The following SUPT20H variants were observed in gnomAD, a reference collection of about 807,000 sequenced individuals.
SUPT20H encodes the protein SPT20 homolog, SAGA complex component.
In SUPT20H, 82 loss-of-function variants were observed where a neutral mutation model predicts 122.8. The observed-to-expected ratio is 0.67, with a 90% CI of 0.56 to 0.80. The LOEUF is 0.80. Ranked by LOEUF, SUPT20H falls within the 30% of genes least tolerant of loss-of-function variation. The pLI is 0.00. For missense variants in SUPT20H, 831 were observed against 921.6 expected, an observed-to-expected ratio of 0.90 and a Z score of 1.27; for synonymous variants, 291 against 313.0, an observed-to-expected ratio of 0.93 and a Z score of 0.74.
At position 37,033,500 on chromosome 13, in the gene SUPT20H, G is replaced by A; in HGVS notation, c.656C>T (p.Ala219Val). ...TTGCTTGTTATAGAGCAGTCTGTTT[G>A]CAGTGCAGGTGACTGCTATAGAAGG... The part of the protein sequence containing the change: ...LDPSIAVTCT[A>V]NRLLYNKQKM... The change falls in exon 10 of 26, where the codon GCA becomes GTA. Residue 219 changes from alanine (A) to valine (V), a missense_variant. Coordinates refer to ENST00000350612, the MANE Select transcript of SUPT20H (RefSeq NM_001014286.3). 6.2e-7 allele frequency: 1 copy of A among 1,613,374 alleles called. No homozygotes were observed. The highest frequency in any genetic ancestry group is 1.3e-5 in the African/African-American group (1 of 75,002).
intron 14 of SUPT20H, 72 bp downstream of exon 14, chr13:37,028,076 T>A (rs2062631632): frequency 7.3e-7 from 1 of 1,378,782 alleles, no homozygotes; most frequent in Non-Finnish European, 9.6e-7. Flanking sequence ...TAATGGTTCA[T>A]CAGTAGTTAC....
chr13:37,010,247 A>G (rs2059358689), intron 25 of SUPT20H, among the ~76,000 whole-genome samples: 1 of 152,246 alleles, frequency 6.6e-6, no homozygotes, highest in Non-Finnish European at 1.5e-5. Context: ...GCAGTAAAAT[A>G]TTAGAAAGTT....
chr13:37,041,775 G>A (rs1007671177), intron 7 of SUPT20H, among the ~76,000 whole-genome samples: 1 of 152,176 alleles, frequency 6.6e-6, no homozygotes, highest in African/African-American at 2.4e-5. Context: ...CACAGATACA[G>A]TAGTCAGACA....
Position 37,040,339 on chromosome 13 carries a change from G to C in SUPT20H, c.567+66C>G, listed in dbSNP as rs2065249176. ...TAAAAATAAGCAGAAAATCACTTTT[G>C]CTTAATGATAATTTTTTTTCATCCT... On this transcript the variant is annotated intron_variant, in intron 9 of 25. Coordinates refer to ENST00000350612, the MANE Select transcript of SUPT20H (RefSeq NM_001014286.3). The C allele has an allele frequency of 5.2e-6, 7 of 1,334,146 alleles. No individual in the cohort carries two copies. The South Asian group carries it at 1.0e-4, about 20-fold the overall frequency. 82.6% of individuals were successfully genotyped at this position (1,334,146 alleles called of 1,614,324 possible).
rs1319801883 is a variant in SUPT20H at position 37,024,165 on chromosome 13, G to A, written c.1461C>T (p.Ser487=). 1.2e-6 allele frequency: 2 copies of A among 1,613,498 alleles called. No homozygotes were observed. Among genetic ancestry groups the A allele is most frequent in the African/African-American group, 2.7e-5 (2 of 74,896 alleles). ...SGNYFTPQQT[S]SFLKSPTPPP... ...GAGGAGTTGGAGATTTGAGAAAGCT[G>A]CTTGTCTGTTGTGGTGTAAAATAGT... Residue 487 remains serine (S), a synonymous_variant, in exon 19 of 26, where the codon AGC becomes AGT. Transcript: ENST00000350612.
intron 5 of SUPT20H, among the ~76,000 whole-genome samples, chr13:37,046,164 T>G (rs1271576474): frequency 6.6e-6 from 1 of 152,126 alleles, no homozygotes; most frequent in Admixed American, 6.6e-5. Context: ...AAAGAAGTGA[T>G]AAATTCTTAA....
intron 16 of SUPT20H, chr13:37,025,867 G>GA (rs2062166561): frequency 5.7e-5 from 13 of 226,544 alleles, no homozygotes; most frequent in Non-Finnish European, 7.6e-5. Context: ...TTAATTCTAT[G>GA]AAAAAAAACC....
At chr13:37,051,771 A>T in intron 1 of SUPT20H, 188 bp from the exon 2 acceptor site, 1 of 317,072 alleles carries the variant, frequency 3.2e-6, no homozygotes, top group South Asian at 1.3e-4. Context: ...CTCACTGCTG[A>T]AAAGTAGTTT....
At chr13:37,026,759 A>C in intron 15 of SUPT20H, 31 bp downstream of exon 15, 1 of 1,258,152 alleles carries the variant, frequency 7.9e-7, no homozygotes, top group Non-Finnish European at 1.1e-6. Flanking sequence ...GTAATTTCTT[A>C]ACAGATTAAA....
chr13:37,015,078 A>AT (rs2060203807), intron 23 of SUPT20H, among the ~76,000 whole-genome samples: 1 of 151,978 alleles, frequency 6.6e-6, no homozygotes, highest in Admixed American at 6.6e-5. Flanking sequence ...ACAAGTGAAA[A>AT]TGCTTCAGGA....
chr13:37,051,403 A>G (rs2067654589), intron 2 of SUPT20H, 85 bp downstream of exon 2: 2 of 1,399,030 alleles, frequency 1.4e-6, no homozygotes, highest in Non-Finnish European at 2.0e-6. Context: ...GAGTATTTCT[A>G]TATCTACCAT....
chr13:37,010,507 C>G lies in SUPT20H; in HGVS notation c.2202+45G>C, dbSNP rs374054646. The stretch of plus-strand genomic sequence containing the variant: ...AAGTTATTTTGAGGTACTTTTGGAG[C>G]TGAGTATCTTTAAAAATGTAATCAG... On this transcript the variant is annotated intron_variant, in intron 25 of 25. Coordinates refer to ENST00000350612, the MANE Select transcript of SUPT20H (RefSeq NM_001014286.3). The G allele has an allele frequency of 9.7e-5, 149 of 1,532,462 alleles. 2 individuals are homozygous for G. In the East Asian group the frequency reaches 1.1e-3, roughly 11 times the overall value. 94.9% of individuals were successfully genotyped at this position (1,532,462 alleles called of 1,614,324 possible).
chr13:37,047,711 A>C (rs1566327217), intron 4 of SUPT20H, 110 bp from the exon 5 acceptor site: 1 of 1,220,246 alleles, frequency 8.2e-7, no homozygotes, highest in East Asian at 2.8e-5. Flanking sequence ...TCAATTTCCC[A>C]AAAACTGGGG....
At position 37,051,473 on chromosome 13, in the gene SUPT20H, T is replaced by C. The variant is rs753655610; in HGVS notation, c.3+15A>G. 11 of 1,608,978 alleles carry C rather than the reference T, an allele frequency of 6.8e-6. No homozygotes were observed. The South Asian group carries it at 8.8e-5, about 13-fold the overall frequency. On this transcript the variant is annotated intron_variant, in intron 2 of 25. Transcript: ENST00000350612. ...TTCTAAAACACAAATTTGAACATAC[T>C]GAGCTGAAGCTTACCATTATGGCAT...
chr13:37,024,258 A>T, intron 18 of SUPT20H, 65 bp from the exon 19 acceptor site: 1 of 1,535,608 alleles, frequency 6.5e-7, no homozygotes, highest in South Asian at 1.3e-5. Flanking sequence ...GTAGAAATCA[A>T]AATGGGGCAA....
chr13:37,028,540 T>G (rs1418329715), intron 13 of SUPT20H, among the ~76,000 whole-genome samples: 1 of 152,140 alleles, frequency 6.6e-6, no homozygotes, highest in Non-Finnish European at 1.5e-5. Flanking sequence ...ACATATACTA[T>G]GAAGTATGAA....
At chr13:37,054,393 AG>A (rs1391904731) in intron 1 of SUPT20H, among the ~76,000 whole-genome samples, 1 of 152,248 alleles carries the variant, frequency 6.6e-6, no homozygotes, top group Non-Finnish European at 1.5e-5. Context: ...AATCGAATCC[AG>A]CAGCACATCA....
intron 17 of SUPT20H, chr13:37,024,997 A>C: frequency 3.4e-6 from 1 of 290,582 alleles, no homozygotes; most frequent in Non-Finnish European, 6.7e-6. Context: ...GCTGGAGTGC[A>C]GTGGCGCTAT....
chr13:37,051,050 C>T (rs2067574972), intron 2 of SUPT20H, among the ~76,000 whole-genome samples: 1 of 152,132 alleles, frequency 6.6e-6, no homozygotes, highest in Non-Finnish European at 1.5e-5. Context: ...AGAAATGTGC[C>T]ATTAGAAGAT....
Sources: allele counts gnomAD v4.1 joint callset (sites outside exome capture counted in the v4.1 genomes callset), GRCh38; gene constraint gnomAD v4.1.1; transcripts MANE v1.5; gene names NCBI Gene and HGNC (gene_info 2026-07-23, HGNC 2026-07-21).